The following TMED8 variants were observed in gnomAD, a reference collection of about 807,000 sequenced individuals.
TMED8 encodes the protein protein TMED8.
In TMED8, 15 loss-of-function variants were observed where a neutral mutation model predicts 32.7. The ratio of observed to expected loss-of-function variants is 0.46; its 90% CI spans 0.31 to 0.71. The LOEUF is 0.71. TMED8 is among the 30% of genes least tolerant of loss of function. The probability of loss-of-function intolerance (pLI) is 0.06; values close to 1 mark genes in which losing one functional copy is unlikely to be tolerated. For synonymous variants in TMED8, 147 were observed against 161.4 expected, an observed-to-expected ratio of 0.91 and a Z score of 0.68; for missense variants, 390 against 423.9, an observed-to-expected ratio of 0.92 and a Z score of 0.70.
chr14:77,375,974 CCA>C (rs1191123115), intron 1 of TMED8, among the ~76,000 whole-genome samples: 1 of 152,232 alleles, frequency 6.6e-6, no homozygotes, highest in Non-Finnish European at 1.5e-5. Context: ...CACCCTGGCT[CCA>C]CAGTAGTGCC....
At chr14:77,344,501 A>T (rs1260955432) in intron 3 of TMED8, among the ~76,000 whole-genome samples, 3 of 152,246 alleles carry the variant, frequency 2.0e-5, no homozygotes, top group Admixed American at 6.5e-5. Context: ...TACATGGAAG[A>T]ATGCAAATGG....
intron 1 of TMED8, among the ~76,000 whole-genome samples, chr14:77,358,655 G>A (rs1383960782): frequency 6.6e-6 from 1 of 152,110 alleles, no homozygotes; most frequent in Non-Finnish European, 1.5e-5. Context: ...CGGTCTTGTT[G>A]TGGAAAATCC....
chr14:77,369,264 T>A (rs1424334993), intron 1 of TMED8, among the ~76,000 whole-genome samples: 1 of 152,268 alleles, frequency 6.6e-6, no homozygotes, highest in Non-Finnish European at 1.5e-5. Flanking sequence ...TTAAAAACTT[T>A]AAAATAAGTC....
intron 1 of TMED8, among the ~76,000 whole-genome samples, chr14:77,373,574 T>C (rs1034865387): frequency 2.0e-5 from 3 of 152,156 alleles, no homozygotes; most frequent in Non-Finnish European, 4.4e-5. Flanking sequence ...ACTCAATAGG[T>C]ATTCTCTGCA....
At chr14:77,361,016 A>G (rs1594850301) in intron 1 of TMED8, among the ~76,000 whole-genome samples, 2 of 125,654 alleles carry the variant, frequency 1.6e-5, no homozygotes, top group South Asian at 2.4e-4. Context: ...TCACTCTGTC[A>G]CCCAGGCTGG....
At chr14:77,367,683 T>C (rs1218186395) in intron 1 of TMED8, among the ~76,000 whole-genome samples, 1 of 151,970 alleles carries the variant, frequency 6.6e-6, no homozygotes, top group East Asian at 1.9e-4. Context: ...GGTAGGTTTG[T>C]TAACTTTCTT....
At chr14:77,367,147 C>CAGG (rs1260350951) in intron 1 of TMED8, among the ~76,000 whole-genome samples, 1 of 143,262 alleles carries the variant, frequency 7.0e-6, no homozygotes, top group Non-Finnish European at 1.5e-5. Context: ...GAGGCTGGGG[C>CAGG]AGGAGAATCG....
Position 77,377,055 on chromosome 14 carries a change from T to G in TMED8, c.-2A>C, listed in dbSNP as rs1345721049. The stretch of plus-strand genomic sequence containing the variant: ...CTCAGCCGCCTGCAGGTCAGACATC[T>G]GCAGCCCGCGCACGGAGCTCTCCGC... On this transcript the variant is annotated 5_prime_UTR_variant, in exon 1 of 6. Transcript: ENST00000216468. 2 of 1,363,144 alleles carry G rather than the reference T, an allele frequency of 1.5e-6. No individual in the cohort carries two copies. The highest frequency in any genetic ancestry group is 3.0e-5 in the East Asian group (1 of 33,550). 84.4% of individuals were successfully genotyped at this position (1,363,144 alleles called of 1,614,324 possible).
rs369571750 is a variant in TMED8 at position 77,351,677 on chromosome 14, G to A, written c.193C>T (p.His65Tyr). The change falls in exon 2 of 6, where the codon CAC becomes TAC. Residue 65 changes from histidine (H) to tyrosine (Y), a missense_variant. Coordinates refer to ENST00000216468, the MANE Select transcript of TMED8 (RefSeq NM_213601.3). ...ATDPEPCSSPHRPQMVSPVSK... is the reference protein window; with the variant it reads ...ATDPEPCSSPYRPQMVSPVSK... ...CATTCTATCCAAAGTGGTTACCTGT[G>A]GGGTGAGGAGCAGGGTTCTGGATCG... 96 of 1,612,948 alleles carry A rather than the reference G, an allele frequency of 6.0e-5. No homozygotes were observed. The African/African-American group carries it at 1.0e-3, about 18-fold the overall frequency.
intron 1 of TMED8, among the ~76,000 whole-genome samples, chr14:77,365,950 A>G (rs1203845291): frequency 6.6e-6 from 1 of 152,202 alleles, no homozygotes; most frequent in Admixed American, 6.5e-5. Context: ...TAGTAATGAA[A>G]GACTAGAAAG....
chr14:77,365,676 G>T (rs886807009), intron 1 of TMED8, among the ~76,000 whole-genome samples: 2 of 152,208 alleles, frequency 1.3e-5, no homozygotes, highest in Non-Finnish European at 2.9e-5. Flanking sequence ...CAAATTCCTA[G>T]TAAGTGCCTG....
chr14:77,350,045 G>A (rs750572396), intron 2 of TMED8, among the ~76,000 whole-genome samples: 2 of 152,168 alleles, frequency 1.3e-5, no homozygotes, highest in Non-Finnish European at 2.9e-5. Flanking sequence ...TATTCTCAGG[G>A]GAGATATTTT....
intron 1 of TMED8, among the ~76,000 whole-genome samples, chr14:77,358,141 A>G (rs564369072): frequency 1.7e-3 from 264 of 151,016 alleles, no homozygotes; most frequent in South Asian, 5.6e-3. Flanking sequence ...AAAAAAAAAA[A>G]AAAGAAATTG....
chr14:77,345,906 T>C (rs1412300636), intron 3 of TMED8, among the ~76,000 whole-genome samples: 4 of 148,212 alleles, frequency 2.7e-5, no homozygotes, highest in Non-Finnish European at 4.4e-5. Context: ...GAGGTGGAGG[T>C]TGCAGTGAGC....
intron 2 of TMED8, 93 bp downstream of exon 2, chr14:77,351,561 CACATTCTTTACTTTAACTT>C: frequency 9.8e-7 from 1 of 1,023,412 alleles, no homozygotes; most frequent in East Asian, 2.5e-5. Context: ...GCGCCCGGCC[CACATTCTTTACTTTAACTT>C]GCCTCCCCGC....
intron 1 of TMED8, among the ~76,000 whole-genome samples, chr14:77,369,924 C>T (rs1038764310): frequency 6.6e-6 from 1 of 152,058 alleles, no homozygotes; most frequent in Non-Finnish European, 1.5e-5. Context: ...GTAAGGGAGG[C>T]GGAGGCGGGA....
chr14:77,358,732 A>G (rs943339380), intron 1 of TMED8, among the ~76,000 whole-genome samples: 8 of 152,204 alleles, frequency 5.3e-5, no homozygotes, highest in African/African-American at 1.7e-4. Flanking sequence ...TAATAGTTTT[A>G]AACGAATAAC....
rs559301807 is a variant in TMED8, at chr14:77,339,482, G to C, written c.*2289C>G. On this transcript the variant is annotated 3_prime_UTR_variant, in exon 6 of 6. Coordinates refer to ENST00000216468, the MANE Select transcript of TMED8 (RefSeq NM_213601.3). ...GGAGCTTGCTGTGTATGGCCTGACT[G>C]TTTCAATTTGAGAGAAAGGCAGAAG... 119 of 152,284 alleles carry C rather than the reference G, an allele frequency of 7.8e-4. No individual in the cohort carries two copies. The highest frequency in any genetic ancestry group is 2.0e-3 in the African/African-American group (82 of 41,534). The allele number at this position is 152,284 out of a possible 1,614,324, so 9.4% of individuals were successfully genotyped here.
chr14:77,347,695 G>A (rs924238161), intron 2 of TMED8, among the ~76,000 whole-genome samples: 5 of 152,194 alleles, frequency 3.3e-5, no homozygotes, highest in African/African-American at 4.8e-5. Context: ...GTGAGCCACC[G>A]TGCTCAGCCA....
Sources: gnomAD v4.1 joint callset for allele counts (sites outside exome capture counted in the v4.1 genomes callset) on GRCh38, gnomAD v4.1.1 for gene constraint, MANE v1.5 for transcripts, NCBI Gene and HGNC (gene_info 2026-07-23, HGNC 2026-07-21) for gene names.